PDZD2: variants seen among roughly 807,000 people sequenced by gnomAD.
PDZD2 encodes the protein PDZ domain containing 2, also known as PDZ domain-containing protein 2.
PDZD2 carries 90 observed loss-of-function variants against 220.7 expected under a neutral mutation model. The ratio of observed to expected loss-of-function variants is 0.41; its 90% CI spans 0.34 to 0.49. The LOEUF is 0.49. Ranked by LOEUF, PDZD2 falls within the 20% of genes least tolerant of loss-of-function variation. The pLI is 0.28. For synonymous variants in PDZD2, 1,375 were observed against 1,450.5 expected, an observed-to-expected ratio of 0.95 and a Z score of 1.18; for missense variants, 3,174 against 3,608.5, an observed-to-expected ratio of 0.88 and a Z score of 3.08.
At chr5:31,783,451 G>A (rs144225872) in intron 1 of PDZD2, among the ~76,000 whole-genome samples, 26 of 152,264 alleles carry the variant, frequency 1.7e-4, no homozygotes, top group Middle Eastern at 3.4e-3. Flanking sequence ...CTCCTCAGGC[G>A]AGAAGACTTG....
At chr5:31,730,584 GT>G (rs769762135) in intron 1 of PDZD2, among the ~76,000 whole-genome samples, 18,065 of 124,612 alleles carry the variant, frequency 0.14, 1,166 homozygotes, top group East Asian at 0.23. Context: ...GTGTGTGTGT[GT>G]GTGTGTGGTG....
rs534594484 is a variant in PDZD2, at chr5:31,974,332, T to C, written c.477-8823T>C. ...CTGCATTTCAGGCTGGGCGACAGAG[T>C]GAGATCTTGTCTCACAAAAAAGAAA... On this transcript the variant is annotated intron_variant, in intron 2 of 24. Coordinates refer to ENST00000438447, the MANE Select transcript of PDZD2 (RefSeq NM_178140.4). Among the ~76,000 whole-genome samples the C allele has an allele frequency of 3.3e-5, 5 of 151,846 alleles. No individual in the cohort carries two copies. The South Asian group carries it at 1.0e-3, about 32-fold the overall frequency.
At chr5:31,878,036 A>T (rs528082184) in intron 2 of PDZD2, among the ~76,000 whole-genome samples, 5 of 152,302 alleles carry the variant, frequency 3.3e-5, no homozygotes, top group African/African-American at 1.2e-4. Context: ...AATTAGGTCT[A>T]GTCCTAGTAT....
rs542444659 is a variant in PDZD2 at position 32,096,979 on chromosome 5, G to A, written c.7846-300G>A. Among the ~76,000 whole-genome samples, 411 of 152,118 alleles carry A rather than the reference G, an allele frequency of 2.7e-3. 1 individual carries two copies. The highest frequency in any genetic ancestry group is 4.8e-3 in the Non-Finnish European group (329 of 68,000). On this transcript the variant is annotated intron_variant, in intron 21 of 24. Coordinates refer to ENST00000438447, the MANE Select transcript of PDZD2 (RefSeq NM_178140.4). Reference sequence around the variant, plus strand: ...GCCTCTTGAGTAGCTGGGACTACAAGTGTGCAACACCACACCTGGCTGATT... The same window carrying A: ...GCCTCTTGAGTAGCTGGGACTACAAATGTGCAACACCACACCTGGCTGATT...
chr5:32,092,553 CAG>C (rs1266279608), intron 20 of PDZD2, among the ~76,000 whole-genome samples: 6 of 152,214 alleles, frequency 3.9e-5, no homozygotes, highest in Non-Finnish European at 7.3e-5. Context: ...GCCTGGGTGA[CAG>C]AGCTAGACTC....
chr5:32,057,808 T>C (rs1468923135), intron 11 of PDZD2, 70 bp from the exon 12 acceptor site: 9 of 1,435,058 alleles, frequency 6.3e-6, no homozygotes, highest in Non-Finnish European at 8.7e-6. Flanking sequence ...TGAGTTGTTT[T>C]TTTTTTTTAA....
chr5:31,951,065 T>C (rs1179904393), intron 2 of PDZD2, among the ~76,000 whole-genome samples: 1 of 152,024 alleles, frequency 6.6e-6, no homozygotes, highest in African/African-American at 2.4e-5. Flanking sequence ...AGGCTTGTTC[T>C]TTCTTTTCTT....
chr5:31,940,320 T>C (rs1746106562), intron 2 of PDZD2, among the ~76,000 whole-genome samples: 1 of 152,200 alleles, frequency 6.6e-6, no homozygotes, highest in Admixed American at 6.5e-5. Context: ...CAGATTGCCT[T>C]CGTTAAGCAC....
intron 1 of PDZD2, chr5:31,754,595 C>T (rs1751201663): frequency 2.0e-5 from 3 of 152,170 alleles, no homozygotes; most frequent in Non-Finnish European, 2.9e-5. Context: ...GTAATTTTCT[C>T]TCCTTTTTTC....
intron 2 of PDZD2, among the ~76,000 whole-genome samples, chr5:31,865,746 C>T (rs566915675): frequency 6.7e-6 from 1 of 148,262 alleles, no homozygotes; most frequent in African/African-American, 2.5e-5. Flanking sequence ...ATTCTCCTGC[C>T]TCAGCCTCCC....
intron 6 of PDZD2, among the ~76,000 whole-genome samples, chr5:32,018,878 A>G (rs748160083): frequency 6.6e-6 from 1 of 152,236 alleles, no homozygotes; most frequent in Non-Finnish European, 1.5e-5. Flanking sequence ...CTGAGAAAAT[A>G]AGATTTACAT....
intron 1 of PDZD2, among the ~76,000 whole-genome samples, chr5:31,716,134 A>G (rs929121624): frequency 2.0e-5 from 3 of 152,236 alleles, no homozygotes; most frequent in African/African-American, 7.2e-5. Context: ...CAATTTCAAC[A>G]TAATGACAGA....
At chr5:31,900,272 CA>C (rs1561554404) in intron 2 of PDZD2, among the ~76,000 whole-genome samples, 1 of 152,168 alleles carries the variant, frequency 6.6e-6, no homozygotes, top group African/African-American at 2.4e-5. Context: ...TTGTGTCAGG[CA>C]GTCAAGAAAC....
At chr5:31,725,317 G>C (rs371811618) in intron 1 of PDZD2, among the ~76,000 whole-genome samples, 1 of 136,698 alleles carries the variant, frequency 7.3e-6, no homozygotes, top group Non-Finnish European at 1.5e-5. Flanking sequence ...CAGCCTGGGG[G>C]ACGAGAGCAA....
chr5:31,863,673 T>C (rs1364684221), intron 2 of PDZD2, among the ~76,000 whole-genome samples: 1 of 152,234 alleles, frequency 6.6e-6, no homozygotes, highest in Non-Finnish European at 1.5e-5. Flanking sequence ...CAATTTTGTC[T>C]GGTTAGTGGG....
intron 4 of PDZD2, among the ~76,000 whole-genome samples, chr5:31,998,023 A>G (rs1057227696): frequency 2.6e-5 from 4 of 152,100 alleles, no homozygotes; most frequent in Non-Finnish European, 2.9e-5. Context: ...TTGTATTTTT[A>G]GTAGAGACGG....
chr5:32,080,216 T>TACA (rs1741782059), intron 19 of PDZD2, among the ~76,000 whole-genome samples: 1 of 151,568 alleles, frequency 6.6e-6, no homozygotes. Context: ...GACGTGGTGG[T>TACA]GGGCACCTGT....
rs79800673 is a variant in PDZD2 at position 31,952,432 on chromosome 5, G to A, written c.477-30723G>A. 1.1e-4 allele frequency among the ~76,000 whole-genome samples: 17 copies of A among 152,316 alleles called. No individual in the cohort carries two copies. In the East Asian group the frequency reaches 2.9e-3, roughly 26 times the overall value. ...GAAAACTTTTGGGATGCTGATTACA[G>A]CATAAAAATGTACTTTAAAGATTCA... On this transcript the variant is annotated intron_variant, in intron 2 of 24. Transcript: ENST00000438447.
intron 2 of PDZD2, among the ~76,000 whole-genome samples, chr5:31,858,748 T>TCC (rs927186992): frequency 1.9e-4 from 27 of 145,166 alleles, no homozygotes; most frequent in African/African-American, 6.2e-4. Context: ...AGATGGAGTC[T>TCC]CCCTCTGTTG....
Sources: allele counts gnomAD v4.1 joint callset (sites outside exome capture counted in the v4.1 genomes callset), GRCh38; gene constraint gnomAD v4.1.1; transcripts MANE v1.5; gene names NCBI Gene and HGNC (gene_info 2026-07-23, HGNC 2026-07-21).